Variants in ATF3 observed in about 807,000 individuals in gnomAD.
The protein encoded by ATF3 is cyclic AMP-dependent transcription factor ATF-3.
In ATF3, 10 loss-of-function variants were observed where a neutral mutation model predicts 18.4. That is an observed-to-expected ratio of 0.54 (90% CI 0.34 to 0.92). The LOEUF (loss-of-function observed/expected upper bound fraction) is 0.92, where lower values mean the gene tolerates loss of function less well. ATF3 is among the 40% of genes least tolerant of loss of function. ATF3 has a pLI of 0.02. For synonymous variants in ATF3, 78 were observed against 87.9 expected (o/e 0.89, Z 0.63); for missense variants, 183 against 222.3 (o/e 0.82, Z 1.12).
At chr1:212,614,518 G>C (rs968097741) in intron 1 of ATF3, among the ~76,000 whole-genome samples, 1 of 149,938 alleles carries the variant, frequency 6.7e-6, no homozygotes, top group Non-Finnish European at 1.5e-5. Context: ...GATAGTTTCA[G>C]CTTGACGTCA....
intron 1 of ATF3, among the ~76,000 whole-genome samples, chr1:212,571,885 C>T (rs573818462): frequency 4.6e-5 from 7 of 150,856 alleles, no homozygotes; most frequent in African/African-American, 7.3e-5. Flanking sequence ...CTAATTTTTT[C>T]GTATTTTTAG....
In ATF3 at chr1:212,616,338, C is replaced by A. The variant is rs1302164937; in HGVS notation, c.240+1077C>A. Among the ~76,000 whole-genome samples the A allele has an allele frequency of 2.0e-5, 3 of 152,124 alleles. No homozygotes were observed. In the East Asian group the frequency reaches 5.8e-4, roughly 29 times the overall value. On this transcript the variant is annotated intron_variant, in intron 2 of 3. Coordinates refer to ENST00000341491, the MANE Select transcript of ATF3 (RefSeq NM_001674.4). ...TTGAGACAGAGTCTTGTTCTGTCAC[C>A]CAGACTGGAGTGCAGTGGCATGATC...
At chr1:212,585,387 G>C (rs996870200) in intron 1 of ATF3, among the ~76,000 whole-genome samples, 1 of 152,158 alleles carries the variant, frequency 6.6e-6, no homozygotes, top group Non-Finnish European at 1.5e-5. Flanking sequence ...GACCTTGGCT[G>C]GTGCTGTTGC....
Position 212,618,274 on chromosome 1 carries a change from C to A in ATF3, c.348+40C>A. 1 of 1,583,462 alleles carries A rather than the reference C, an allele frequency of 6.3e-7. No homozygotes were observed. Among genetic ancestry groups the A allele is most frequent in the Non-Finnish European group, 8.7e-7 (1 of 1,152,244 alleles). On this transcript the variant is annotated intron_variant, in intron 3 of 3. Transcript: ENST00000341491. The surrounding 1 kb of genome is among the most constrained non-coding windows in gnomAD (Gnocchi z 4.4). ...GCCTTACCCTTCCTCTCGCTCACGC[C>A]TGTCTTCACCAGCTTCATGTGGCTA...
intron 1 of ATF3, among the ~76,000 whole-genome samples, chr1:212,600,936 A>G (rs372483446): frequency 3.3e-5 from 5 of 152,296 alleles, no homozygotes; most frequent in East Asian, 3.9e-4. Context: ...TGCTTCATGT[A>G]TATTAATTTG....
intron 1 of ATF3, among the ~76,000 whole-genome samples, chr1:212,571,410 C>T (rs57847431): frequency 0.089 from 13,528 of 151,772 alleles, 1,340 homozygotes; most frequent in African/African-American, 0.25. Context: ...ATTATTATTA[C>T]TATTATTATT....
At chr1:212,584,148 C>A (rs1409559966) in intron 1 of ATF3, among the ~76,000 whole-genome samples, 1 of 151,552 alleles carries the variant, frequency 6.6e-6, no homozygotes, top group East Asian at 1.9e-4. Context: ...TGCTGCATAC[C>A]ACTTCTTGAT....
At chr1:212,568,413 A>C (rs1033720166) in intron 1 of ATF3, among the ~76,000 whole-genome samples, 26 of 152,198 alleles carry the variant, frequency 1.7e-4, no homozygotes, top group African/African-American at 6.0e-4. Flanking sequence ...CCACATTTGC[A>C]TCATGGAAAA....
At chr1:212,589,696 A>G (rs1316396463) in intron 1 of ATF3, among the ~76,000 whole-genome samples, 1 of 150,244 alleles carries the variant, frequency 6.7e-6, no homozygotes, top group African/African-American at 2.5e-5. Flanking sequence ...AAAAAAAAAG[A>G]AAGAAAAAGA....
chr1:212,600,868 A>C (rs1654463966), intron 1 of ATF3, among the ~76,000 whole-genome samples: 1 of 152,166 alleles, frequency 6.6e-6, no homozygotes, highest in Non-Finnish European at 1.5e-5. Flanking sequence ...GGAGGACTAA[A>C]CATACATACA....
chr1:212,595,723 A>T (rs1664980225), intron 1 of ATF3, among the ~76,000 whole-genome samples: 1 of 152,230 alleles, frequency 6.6e-6, no homozygotes. Flanking sequence ...TCCCACCCTT[A>T]ACAAGTTTCA....
At chr1:212,571,750 C>G (rs550600531) in intron 1 of ATF3, among the ~76,000 whole-genome samples, 4 of 118,116 alleles carry the variant, frequency 3.4e-5, no homozygotes, top group Non-Finnish European at 7.0e-5. Flanking sequence ...CTGGCTCTGT[C>G]GCCCAGGCTG....
At chr1:212,585,766 A>T (rs1023336237) in intron 1 of ATF3, among the ~76,000 whole-genome samples, 1 of 151,876 alleles carries the variant, frequency 6.6e-6, no homozygotes, top group Non-Finnish European at 1.5e-5. Context: ...ATTTTCTCCC[A>T]TTCTTCCTGG....
In ATF3 at chr1:212,615,145, A is replaced by G. The variant is rs144874117; in HGVS notation, c.124A>G (p.Lys42Glu). Reference protein sequence around the residue: ...EDFANLTPFVKEELRFAIQNK... With the variant: ...EDFANLTPFVEEELRFAIQNK... Reference sequence around the variant, plus strand: ...TTTTGCTAACCTGACGCCCTTTGTCAAGGAAGAGCTGAGGTTTGCCATCCA... The same window carrying G: ...TTTTGCTAACCTGACGCCCTTTGTCGAGGAAGAGCTGAGGTTTGCCATCCA... Residue 42 changes from lysine (K) to glutamate (E), a missense_variant, in exon 2 of 4, where the codon AAG (lysine) becomes GAG (glutamate). By Grantham distance (56) the Lys-to-Glu change is moderately conservative. Coordinates refer to ENST00000341491, the MANE Select transcript of ATF3 (RefSeq NM_001674.4). The G allele has an allele frequency of 6.8e-5, 109 of 1,614,158 alleles. No homozygotes were observed. Among genetic ancestry groups the G allele is most frequent in the South Asian group, 5.4e-4 (49 of 91,084 alleles).
At chr1:212,616,578 G>A (rs2102661435) in intron 2 of ATF3, among the ~76,000 whole-genome samples, 1 of 152,290 alleles carries the variant, frequency 6.6e-6, no homozygotes, top group African/African-American at 2.4e-5. Context: ...GATTACAGGT[G>A]TGAGCCACCA....
rs187964022 is a variant in ATF3 at position 212,616,233 on chromosome 1, C to T, written c.240+972C>T. On this transcript the variant is annotated intron_variant, in intron 2 of 3. Coordinates refer to ENST00000341491, the MANE Select transcript of ATF3 (RefSeq NM_001674.4). The stretch of plus-strand genomic sequence containing the variant: ...CCTGGGCTCAAAGTGAGGTGGGAAA[C>T]CACAGAAGGCTTTTGAGCAGAGAAG... Among the ~76,000 whole-genome samples, 322 of 151,962 alleles carry T rather than the reference C, an allele frequency of 2.1e-3. 1 individual carries two copies. Among genetic ancestry groups the T allele is most frequent in the Non-Finnish European group, 3.7e-3 (249 of 67,964 alleles).
chr1:212,618,118 A>C lies in ATF3; in HGVS notation c.241-9A>C. On this transcript the variant is annotated splice_polypyrimidine_tract_variant and intron_variant, in intron 2 of 3. Transcript: ENST00000341491. The surrounding 1 kb of genome is among the most constrained non-coding windows in gnomAD (Gnocchi z 4.4). ...TGCCCTTTAAATGTGTTTCTTTTGG[A>C]TTTTACAGGTAGCCCCTGAAGAAGA... The C allele has an allele frequency of 6.2e-7, 1 of 1,613,874 alleles. No individual in the cohort carries two copies. The highest frequency in any genetic ancestry group is 1.7e-5 in the Admixed American group (1 of 59,998).
chr1:212,582,914 C>T (rs1031695979), intron 1 of ATF3, among the ~76,000 whole-genome samples: 2 of 151,820 alleles, frequency 1.3e-5, no homozygotes, highest in Non-Finnish European at 2.9e-5. Flanking sequence ...CAAGCTGTTG[C>T]CGAGTCGCAG....
chr1:212,588,125 G>T (rs975838543), intron 1 of ATF3, among the ~76,000 whole-genome samples: 4 of 152,106 alleles, frequency 2.6e-5, no homozygotes, highest in Non-Finnish European at 5.9e-5. Context: ...CTGCAGCCAG[G>T]TGTCTATCCC....
Sources: allele counts gnomAD v4.1 joint callset (sites outside exome capture counted in the v4.1 genomes callset), GRCh38; gene constraint gnomAD v4.1.1; non-coding constraint Gnocchi (gnomAD v3.1); transcripts MANE v1.5; gene names NCBI Gene and HGNC (gene_info 2026-07-23, HGNC 2026-07-21).